The following ANKRD12 variants were observed in gnomAD, a reference collection of about 807,000 sequenced individuals.
ANKRD12 encodes ankyrin repeat domain 12, also known as ankyrin repeat domain-containing protein 12.
In ANKRD12, 85 loss-of-function variants were observed where a neutral mutation model predicts 183.4. The ratio of observed to expected loss-of-function variants is 0.46; its 90% CI spans 0.39 to 0.56. The LOEUF is 0.56. Among genes scored for constraint, ANKRD12 ranks in the 20% least tolerant of loss-of-function variants. The pLI is 0.00. For synonymous variants in ANKRD12, 914 were observed against 800.2 expected (o/e 1.14, Z -2.40); for missense variants, 2,405 against 2,357.1 (o/e 1.02, Z -0.42).
chr18:9,214,401 C>T (rs2035978422), intron 6 of ANKRD12, among the ~76,000 whole-genome samples: 1 of 152,090 alleles, frequency 6.6e-6, no homozygotes, highest in Non-Finnish European at 1.5e-5. Flanking sequence ...GTAATAATTG[C>T]ATAGCTACCT....
At chr18:9,223,626 AT>A (rs1378894387) in intron 8 of ANKRD12, among the ~76,000 whole-genome samples, 2 of 152,196 alleles carry the variant, frequency 1.3e-5, no homozygotes, top group African/African-American at 4.8e-5. Context: ...TCTTAATTAA[AT>A]GTAGCTTTTG....
At chr18:9,143,916 C>G (rs576991689) in intron 1 of ANKRD12, among the ~76,000 whole-genome samples, 42 of 152,312 alleles carry the variant, frequency 2.8e-4, no homozygotes, top group African/African-American at 9.4e-4. Flanking sequence ...CTTTTTCACC[C>G]TTTGAAGCTC....
At chr18:9,219,060 G>C (rs1450212730) in intron 7 of ANKRD12, among the ~76,000 whole-genome samples, 1 of 152,112 alleles carries the variant, frequency 6.6e-6, no homozygotes, top group Non-Finnish European at 1.5e-5. Context: ...TTTATTGACT[G>C]TTATGTTTTA....
At chr18:9,176,768 T>C (rs2033302841) in intron 1 of ANKRD12, among the ~76,000 whole-genome samples, 1 of 152,172 alleles carries the variant, frequency 6.6e-6, no homozygotes, top group Non-Finnish European at 1.5e-5. Context: ...TATTTAGAAA[T>C]AGCAGTGGTG....
chr18:9,164,215 G>C (rs2143832512), intron 1 of ANKRD12, among the ~76,000 whole-genome samples: 1 of 152,228 alleles, frequency 6.6e-6, no homozygotes, highest in East Asian at 1.9e-4. Flanking sequence ...AGTTTATTGA[G>C]AGTTTTTAAC....
chr18:9,248,314 A>G (rs1317118543), intron 8 of ANKRD12, among the ~76,000 whole-genome samples: 4 of 152,224 alleles, frequency 2.6e-5, no homozygotes, highest in African/African-American at 9.6e-5. Flanking sequence ...GGCACTCAGT[A>G]TTGACATAAA....
At chr18:9,262,551 C>G (rs1001241688) in intron 9 of ANKRD12, among the ~76,000 whole-genome samples, 2 of 152,028 alleles carry the variant, frequency 1.3e-5, no homozygotes, top group Admixed American at 6.6e-5. Context: ...CCTCAAACTT[C>G]TGGACTCAAG....
rs1229621073 is a variant in ANKRD12, at chr18:9,256,447, A to G, written c.3180A>G (p.Ser1060=). The G allele has an allele frequency of 1.9e-6, 3 of 1,613,498 alleles. No homozygotes were observed. Among genetic ancestry groups the G allele is most frequent in the African/African-American group, 1.3e-5 (1 of 74,904 alleles). ...DKPKPKSSPA[S]KDTRPKEKRL... ...CTAAACCTAAGTCATCACCAGCATC[A>G]AAAGATACCCGACCTAAAGAAAAGA... Residue 1060 remains serine (S), a synonymous_variant, in exon 9 of 13, where the codon TCA becomes TCG. Coordinates refer to ENST00000262126, the MANE Select transcript of ANKRD12 (RefSeq NM_015208.5).
chr18:9,281,595 T>C lies in ANKRD12; in HGVS notation c.*469T>C, dbSNP rs2040107582. 1 of 152,744 alleles carries C rather than the reference T, an allele frequency of 6.5e-6. No individual in the cohort carries two copies. The highest frequency in any genetic ancestry group is 1.5e-5 in the Non-Finnish European group (1 of 68,070). 9.5% of individuals were successfully genotyped at this position (152,744 alleles called of 1,614,324 possible). A position where few individuals can be genotyped will look rare whatever the true frequency, so the allele number is the denominator to read the frequency against. On this transcript the variant is annotated 3_prime_UTR_variant, in exon 13 of 13. Coordinates refer to ENST00000262126, the MANE Select transcript of ANKRD12 (RefSeq NM_015208.5). ...TCTTCAGTTTATTATCTGTAAATTG[T>C]ACAGTTTTCTTTTTGAAAGTTTTAA...
Position 9,254,802 on chromosome 18 carries a change from C to T in ANKRD12, c.1535C>T (p.Ser512Leu), listed in dbSNP as rs749818753. Residue 512 changes from serine (S) to leucine (L), a missense_variant, in exon 9 of 13, where the codon TCA (serine) becomes TTA (leucine). Ser to Leu is a moderately radical substitution (Grantham distance 145). This residue lies in a region of ANKRD12 where 1,983 missense variants were observed against 1,725.9 expected (regional missense o/e 1.15). Coordinates refer to ENST00000262126, the MANE Select transcript of ANKRD12 (RefSeq NM_015208.5). The part of the protein sequence containing the change: ...NLTVNTGLDC[S>L]EKTREEGNFR... ...ACAGTAAATACTGGACTAGATTGTTCAGAAAAGACCAGAGAGGAGGGGAAC... is the reference window on the plus strand; with the variant it reads ...ACAGTAAATACTGGACTAGATTGTTTAGAAAAGACCAGAGAGGAGGGGAAC... The T allele has an allele frequency of 1.3e-6, 2 of 1,481,752 alleles. No homozygotes were observed. The highest frequency in any genetic ancestry group is 2.5e-5 in the Admixed American group (1 of 39,912). 91.8% of individuals were successfully genotyped at this position (1,481,752 alleles called of 1,614,324 possible).
At chr18:9,165,675 C>G (rs956774968) in intron 1 of ANKRD12, among the ~76,000 whole-genome samples, 2 of 152,012 alleles carry the variant, frequency 1.3e-5, no homozygotes, top group East Asian at 1.9e-4. Flanking sequence ...CTGTACATGA[C>G]ATGTGTCAGA....
At chr18:9,239,069 G>A (rs1451780536) in intron 8 of ANKRD12, among the ~76,000 whole-genome samples, 1 of 152,214 alleles carries the variant, frequency 6.6e-6, no homozygotes, top group Admixed American at 6.5e-5. Context: ...AGGCTGCCAT[G>A]AGCTGTGTTT....
At chr18:9,206,643 A>G (rs2035502280) in intron 4 of ANKRD12, among the ~76,000 whole-genome samples, 1 of 152,104 alleles carries the variant, frequency 6.6e-6, no homozygotes, top group Non-Finnish European at 1.5e-5. Flanking sequence ...AATAGAGTTT[A>G]TATTGGATGC....
chr18:9,180,056 T>C (rs1195306515), intron 1 of ANKRD12, among the ~76,000 whole-genome samples: 1 of 152,194 alleles, frequency 6.6e-6, no homozygotes, highest in Non-Finnish European at 1.5e-5. Flanking sequence ...AGTATAATAG[T>C]TGAAGCCTCC....
rs2038560982 is a variant in ANKRD12, at chr18:9,255,593, A to C, written c.2326A>C (p.Asn776His). ...AAAAGATCTAAAAGAAGAGAGAGAA[A>C]ACATACCCACAGATAAAGACTCAGA... ...KIKDLKEERE[N>H]IPTDKDSEFT... is the part of the protein sequence containing the mutation. Residue 776 changes from asparagine to histidine, a missense_variant, in exon 9 of 13, where the codon AAC becomes CAC. Physicochemically the swap from Asn to His is moderately conservative, Grantham distance 68 (BLOSUM62 1). Transcript: ENST00000262126. 1 of 1,569,556 alleles carries C rather than the reference A, an allele frequency of 6.4e-7. No individual in the cohort carries two copies. Among genetic ancestry groups the C allele is most frequent in the Non-Finnish European group, 8.6e-7 (1 of 1,168,376 alleles).
intron 11 of ANKRD12, 128 bp from the exon 12 acceptor site, chr18:9,279,421 T>C (rs1316565772): frequency 1.7e-6 from 1 of 603,276 alleles, no homozygotes; most frequent in Non-Finnish European, 2.9e-6. Context: ...CAGTATTCAA[T>C]TTATATATTT....
chr18:9,229,888 T>C (rs1434376710), intron 8 of ANKRD12, among the ~76,000 whole-genome samples: 1 of 152,176 alleles, frequency 6.6e-6, no homozygotes. Flanking sequence ...TTGTTGAGGA[T>C]TTTTACATCT....
chr18:9,139,611 A>G (rs966229224), intron 1 of ANKRD12, among the ~76,000 whole-genome samples: 7 of 152,198 alleles, frequency 4.6e-5, no homozygotes, highest in Non-Finnish European at 8.8e-5. Flanking sequence ...TGCTCTCTGT[A>G]TATAGACTTA....
At chr18:9,279,492 G>T (rs867734670) in intron 11 of ANKRD12, 57 bp from the exon 12 acceptor site, 1 of 983,128 alleles carries the variant, frequency 1.0e-6, no homozygotes. Context: ...TACTATAATG[G>T]CATATAGATT....
Sources: gnomAD v4.1 joint callset for allele counts (sites outside exome capture counted in the v4.1 genomes callset) on GRCh38, gnomAD v4.1.1 for gene constraint, gnomAD v4.1.1 regional missense constraint, MANE v1.5 for transcripts, NCBI Gene and HGNC (gene_info 2026-07-23, HGNC 2026-07-21) for gene names.